The following EIF3H variants were observed in gnomAD, a reference collection of about 807,000 sequenced individuals.
The protein encoded by EIF3H is eIF-3-gamma.
EIF3H carries 26 observed loss-of-function variants against 44.2 expected under a neutral mutation model. The observed-to-expected ratio is 0.59, with a 90% CI of 0.43 to 0.82. EIF3H has a LOEUF of 0.82. Ranked by LOEUF, EIF3H falls within the 40% of genes least tolerant of loss-of-function variation. The pLI, the probability that EIF3H is intolerant of heterozygous loss-of-function variation, is 0.00. For synonymous variants in EIF3H, 166 were observed against 151.9 expected, an observed-to-expected ratio of 1.09 and a Z score of -0.68; for missense variants, 359 against 432.8, an observed-to-expected ratio of 0.83 and a Z score of 1.51.
At chr8:116,655,779 A>C (rs1020237484) in intron 5 of EIF3H, 77 bp downstream of exon 5, 1 of 1,445,110 alleles carries the variant, frequency 6.9e-7, no homozygotes, top group African/African-American at 1.4e-5. Flanking sequence ...TTCTTGTTTC[A>C]CAGGTAAAGT....
Position 116,642,716 on chromosome 8 carries a change from G to C in EIF3H, c.*2290C>G, listed in dbSNP as rs532036767. Reference sequence around the variant, plus strand: ...GAAGAAACTGCAAATATTTATAGAAGATGAATCACATGTATTTGTTCCTGA... The same window carrying C: ...GAAGAAACTGCAAATATTTATAGAACATGAATCACATGTATTTGTTCCTGA... On this transcript the variant is annotated 3_prime_UTR_variant, in exon 8 of 8. Coordinates refer to ENST00000521861, the MANE Select transcript of EIF3H (RefSeq NM_003756.3). The C allele has an allele frequency of 6.6e-6, 1 of 152,138 alleles. No homozygotes were observed. The highest frequency in any genetic ancestry group is 1.5e-5 in the Non-Finnish European group (1 of 68,022). 9.4% of individuals were successfully genotyped at this position (152,138 alleles called of 1,614,324 possible).
intron 1 of EIF3H, among the ~76,000 whole-genome samples, chr8:116,755,219 C>T (rs1483441572): frequency 6.6e-6 from 1 of 152,166 alleles, no homozygotes; most frequent in Non-Finnish European, 1.5e-5. Context: ...AGTACAGGCT[C>T]AAAAGAGTGG....
At chr8:116,761,436 C>T (rs543609707) in intron 1 of EIF3H, among the ~76,000 whole-genome samples, 67 of 152,156 alleles carry the variant, frequency 4.4e-4, no homozygotes, top group African/African-American at 1.4e-3. Flanking sequence ...CGCGTGAACC[C>T]GGGAGGCAGA....
intron 2 of EIF3H, among the ~76,000 whole-genome samples, chr8:116,667,142 TTCTGATTA>T: frequency 6.6e-6 from 1 of 152,160 alleles, no homozygotes; most frequent in Non-Finnish European, 1.5e-5. Context: ...GCCATGGATA[TTCTGATTA>T]AAACATACAA....
Position 116,726,078 on chromosome 8 carries a change from A to C in EIF3H, c.227T>G (p.Leu76Arg). The C allele has an allele frequency of 1.2e-6, 2 of 1,614,134 alleles. No homozygotes were observed. Among genetic ancestry groups the C allele is most frequent in the South Asian group, 1.1e-5 (1 of 91,078 alleles). The change falls in exon 2 of 8, where the codon CTT becomes CGT. Residue 76 changes from leucine (L) to arginine (R), a missense_variant. Physicochemically the swap from Leu to Arg is moderately radical, Grantham distance 102. This residue lies in a region of EIF3H where 91 missense variants were observed against 164.6 expected (regional missense o/e 0.55). Transcript: ENST00000521861. ...VLLGLVVEDRLEITNCFPFPQ... is the reference protein window; with the variant it reads ...VLLGLVVEDRREITNCFPFPQ... ...GAAAGGAAAGCAGTTGGTAATTTCA[A>C]GCCGATCTTCTACAACCAGACCCAA...
chr8:116,673,026 A>AAAC (rs1418678852), intron 2 of EIF3H, among the ~76,000 whole-genome samples: 1 of 146,424 alleles, frequency 6.8e-6, no homozygotes, highest in African/African-American at 2.5e-5. Flanking sequence ...AAAAAAAAAC[A>AAAC]CCACAAAAAA....
At chr8:116,741,382 A>G (rs1422534522) in intron 1 of EIF3H, among the ~76,000 whole-genome samples, 3 of 152,238 alleles carry the variant, frequency 2.0e-5, no homozygotes, top group African/African-American at 7.2e-5. Context: ...CCAATACCAC[A>G]AAGTTTTACA....
intron 2 of EIF3H, among the ~76,000 whole-genome samples, chr8:116,699,124 G>A (rs1814324458): frequency 7.7e-6 from 1 of 130,324 alleles, no homozygotes; most frequent in Non-Finnish European, 1.6e-5. Context: ...AACAGAGCTG[G>A]AACCTGTCTC....
intron 2 of EIF3H, among the ~76,000 whole-genome samples, chr8:116,677,852 T>C (rs570986067): frequency 6.6e-6 from 1 of 152,316 alleles, no homozygotes; most frequent in East Asian, 1.9e-4. Flanking sequence ...AATTCTAATT[T>C]GAAAGAAAAA....
rs1232934056 is a variant in EIF3H at position 116,644,876 on chromosome 8, T to C, written c.*130A>G. 3 of 663,172 alleles carry C rather than the reference T, an allele frequency of 4.5e-6. No homozygotes were observed. The highest frequency in any genetic ancestry group is 2.8e-5 in the Admixed American group (1 of 35,524). 41.1% of individuals were successfully genotyped at this position (663,172 alleles called of 1,614,324 possible). On this transcript the variant is annotated 3_prime_UTR_variant, in exon 8 of 8. Coordinates refer to ENST00000521861, the MANE Select transcript of EIF3H (RefSeq NM_003756.3). ...TATTATGGCTAGAAAGACACTGTTATAGCCAAAATCGGCAATGACACTAAA... is the reference window on the plus strand; with the variant it reads ...TATTATGGCTAGAAAGACACTGTTACAGCCAAAATCGGCAATGACACTAAA...
chr8:116,694,633 A>G (rs1397495639), intron 2 of EIF3H, among the ~76,000 whole-genome samples: 1 of 152,214 alleles, frequency 6.6e-6, no homozygotes, highest in African/African-American at 2.4e-5. Context: ...TCATACATAG[A>G]AAGGTCATAT....
At chr8:116,666,775 A>AAAAAG (rs1813676138) in intron 2 of EIF3H, among the ~76,000 whole-genome samples, 1 of 151,142 alleles carries the variant, frequency 6.6e-6, no homozygotes, top group African/African-American at 2.4e-5. Context: ...AAAAAAAAAA[A>AAAAAG]ATTACACTAT....
intron 1 of EIF3H, among the ~76,000 whole-genome samples, chr8:116,764,000 G>T (rs1363656866): frequency 6.6e-6 from 1 of 151,922 alleles, no homozygotes; most frequent in Non-Finnish European, 1.5e-5. Context: ...AAAATTTCAT[G>T]AAGAAAAAAA....
At chr8:116,721,552 C>A (rs916583275) in intron 2 of EIF3H, among the ~76,000 whole-genome samples, 2 of 152,220 alleles carry the variant, frequency 1.3e-5, no homozygotes, top group African/African-American at 4.8e-5. Flanking sequence ...ACAGCTTGCA[C>A]CATGCACCTG....
intron 2 of EIF3H, among the ~76,000 whole-genome samples, chr8:116,672,149 A>G (rs1211707019): frequency 1.4e-4 from 21 of 152,240 alleles, no homozygotes; most frequent in Admixed American, 1.4e-3. Flanking sequence ...AAGCAGAGAC[A>G]GATAAAAATC....
At chr8:116,716,802 T>TTGTTA (rs1462502749) in intron 2 of EIF3H, among the ~76,000 whole-genome samples, 27 of 152,102 alleles carry the variant, frequency 1.8e-4, no homozygotes, top group Non-Finnish European at 3.5e-4. Context: ...TCATTGTTTG[T>TTGTTA]CCATCTCTGA....
At chr8:116,762,961 A>C (rs1042967808) in intron 1 of EIF3H, among the ~76,000 whole-genome samples, 25 of 152,222 alleles carry the variant, frequency 1.6e-4, no homozygotes. Flanking sequence ...AAAGGAAAAA[A>C]AAAGAATTCT....
Position 116,648,919 on chromosome 8 carries a change from A to G in EIF3H, c.715T>C (p.Leu239=). The change falls in exon 6 of 8, where the codon TTG becomes CTG. Residue 239 remains leucine (L), a synonymous_variant. Coordinates refer to ENST00000521861, the MANE Select transcript of EIF3H (RefSeq NM_003756.3). ...ELLSLASSNH[L]GKNLQLLMDR... ...ATCAGCAACTGTAGATTCTTCCCCA[A>G]ATGATTGCTGAAATGTAAAGTAAAT... 1 of 1,610,680 alleles carries G rather than the reference A, an allele frequency of 6.2e-7. No homozygotes were observed. The highest frequency in any genetic ancestry group is 1.1e-5 in the South Asian group (1 of 90,512).
chr8:116,658,837 C>G lies in EIF3H; in HGVS notation c.433G>C (p.Glu145Gln). Residue 145 changes from glutamate (E) to glutamine (Q), a missense_variant, in exon 3 of 8, where the codon GAA (glutamate) becomes CAA (glutamine). This residue lies in a region of EIF3H where 91 missense variants were observed against 164.6 expected (regional missense o/e 0.55). Transcript: ENST00000521861. ...DSQFSYQHAIEESVVLIYDPI... is the reference protein window; with the variant it reads ...DSQFSYQHAIQESVVLIYDPI... The stretch of plus-strand genomic sequence containing the variant: ...CCATAAATGAGAACGACAGATTCTT[C>G]AATGGCATGCTGGTAACTAAACTGA... 6.2e-7 allele frequency: 1 copy of G among 1,613,464 alleles called. No homozygotes were observed.
Sources: gnomAD v4.1 joint callset for allele counts (sites outside exome capture counted in the v4.1 genomes callset) on GRCh38, gnomAD v4.1.1 for gene constraint, gnomAD v4.1.1 regional missense constraint, MANE v1.5 for transcripts, NCBI Gene and HGNC (gene_info 2026-07-23, HGNC 2026-07-21) for gene names.